The following DNAH7 variants were observed in gnomAD, a reference collection of about 807,000 sequenced individuals.
DNAH7 encodes dynein axonemal heavy chain 7.
In DNAH7, 397 loss-of-function variants were observed where a neutral mutation model predicts 444.6. That is an observed-to-expected ratio of 0.89 (90% CI 0.82 to 0.97). The LOEUF (loss-of-function observed/expected upper bound fraction) is 0.97. Among genes scored for constraint, DNAH7 ranks in the 50% least tolerant of loss-of-function variants. The probability of loss-of-function intolerance (pLI) is 0.00; values close to 1 mark genes in which losing one functional copy is unlikely to be tolerated. For missense variants in DNAH7, 4,902 were observed against 4,800.8 expected, an observed-to-expected ratio of 1.02 and a Z score of -0.62; for synonymous variants, 1,636 against 1,624.4, an observed-to-expected ratio of 1.01 and a Z score of -0.17.
At chr2:195,994,448 G>C (rs1199829665) in intron 12 of DNAH7, 3 of 576,230 alleles carry the variant, frequency 5.2e-6, no homozygotes, top group Middle Eastern at 3.0e-4. Flanking sequence ...GGGAGGCCAA[G>C]GGAGAAAGGT....
intron 58 of DNAH7, among the ~76,000 whole-genome samples, chr2:195,778,347 A>T (rs1275335693): frequency 2.6e-5 from 4 of 151,694 alleles, no homozygotes; most frequent in Non-Finnish European, 5.9e-5. Context: ...GATAGAGTGT[A>T]ATTCAGAGGG....
At chr2:195,837,356 T>C (rs368769933) in intron 47 of DNAH7, among the ~76,000 whole-genome samples, 2 of 152,330 alleles carry the variant, frequency 1.3e-5, no homozygotes, top group South Asian at 4.1e-4. Flanking sequence ...GGCTGGGCTT[T>C]TTACAGCCTA....
intron 61 of DNAH7, among the ~76,000 whole-genome samples, chr2:195,757,148 T>C (rs1041614303): frequency 9.2e-5 from 14 of 152,176 alleles, no homozygotes; most frequent in Admixed American, 8.5e-4. Context: ...CAAGTTTTAA[T>C]AGAAAAATCT....
At chr2:195,993,425 A>T (rs1693480390) in intron 12 of DNAH7, among the ~76,000 whole-genome samples, 1 of 152,072 alleles carries the variant, frequency 6.6e-6, no homozygotes, top group Non-Finnish European at 1.5e-5. Flanking sequence ...CAGCTAAAAA[A>T]AATACAAAAA....
At chr2:195,742,955 G>A (rs920699136) in intron 63 of DNAH7, among the ~76,000 whole-genome samples, 1 of 152,186 alleles carries the variant, frequency 6.6e-6, no homozygotes, top group African/African-American at 2.4e-5. Flanking sequence ...TAACATTTGA[G>A]TCAATTGGAT....
chr2:195,744,079 C>T (rs1010439015), intron 63 of DNAH7, among the ~76,000 whole-genome samples: 24 of 152,226 alleles, frequency 1.6e-4, no homozygotes, highest in African/African-American at 4.6e-4. Flanking sequence ...ACTCGGGAAG[C>T]GCAAGGGGTC....
chr2:195,783,310 C>T (rs1188935052), intron 58 of DNAH7, among the ~76,000 whole-genome samples: 1 of 152,196 alleles, frequency 6.6e-6, no homozygotes, highest in Non-Finnish European at 1.5e-5. Flanking sequence ...TTTTCTATGA[C>T]ACCAATAGGT....
intron 28 of DNAH7, among the ~76,000 whole-genome samples, chr2:195,898,944 C>G (rs948947401): frequency 6.6e-6 from 1 of 152,210 alleles, no homozygotes; most frequent in Non-Finnish European, 1.5e-5. Flanking sequence ...ACATCTCACT[C>G]CAAAGCTTCT....
At chr2:195,921,936 A>T (rs1688053053) in intron 24 of DNAH7, 152 bp downstream of exon 24, 1 of 545,518 alleles carries the variant, frequency 1.8e-6, no homozygotes, top group Non-Finnish European at 3.3e-6. Context: ...AGAGAAAACG[A>T]AGACAAACCT....
In DNAH7 at chr2:195,799,462, A is replaced by G. The variant is rs372382976; in HGVS notation, c.10187T>C (p.Met3396Thr). The G allele has an allele frequency of 8.8e-6, 14 of 1,598,970 alleles. No homozygotes were observed. The African/African-American group carries it at 1.6e-4, about 18-fold the overall frequency. ...TCTGTTGATTATAAATTCCTGCAAC[A>G]TTGGAATAACCTAGAAAGAGACAAG... The part of the protein sequence containing the change: ...RCLRPDKVIP[M>T]LQEFIINRLG... The change falls in exon 55 of 65, where the codon ATG (methionine) becomes ACG (threonine). Residue 3396 changes from methionine to threonine, a missense_variant. By Grantham distance (81) the Met-to-Thr change is moderately conservative (BLOSUM62 -1). Transcript: ENST00000312428.
intron 47 of DNAH7, among the ~76,000 whole-genome samples, chr2:195,842,952 T>C (rs183220706): frequency 2.5e-4 from 38 of 152,286 alleles, no homozygotes; most frequent in African/African-American, 8.9e-4. Context: ...AGACAATGAC[T>C]ACCACTTCAG....
intron 19 of DNAH7, among the ~76,000 whole-genome samples, chr2:195,952,961 G>C (rs886794174): frequency 2.6e-5 from 4 of 152,156 alleles, no homozygotes; most frequent in African/African-American, 9.7e-5. Flanking sequence ...TCTCGGTCCA[G>C]TGTTGTTCCC....
At chr2:195,798,147 AT>A (rs1002216799) in intron 55 of DNAH7, among the ~76,000 whole-genome samples, 34 of 151,734 alleles carry the variant, frequency 2.2e-4, no homozygotes, top group Non-Finnish European at 4.4e-4. Flanking sequence ...CCTTATATCA[AT>A]TTTTTTTGGC....
intron 39 of DNAH7, among the ~76,000 whole-genome samples, 175 bp downstream of exon 39, chr2:195,873,393 T>C (rs1700833715): frequency 6.6e-6 from 1 of 152,208 alleles, no homozygotes; most frequent in Non-Finnish European, 1.5e-5. Context: ...TCAGACCTCT[T>C]TGTGTTATGC....
chr2:195,762,434 G>C (rs1331737596), intron 61 of DNAH7, among the ~76,000 whole-genome samples: 1 of 152,068 alleles, frequency 6.6e-6, no homozygotes, highest in East Asian at 1.9e-4. Context: ...ACATACAGTG[G>C]CTGAATGAAT....
At chr2:195,770,029 T>C (rs1694762197) in intron 61 of DNAH7, among the ~76,000 whole-genome samples, 1 of 152,190 alleles carries the variant, frequency 6.6e-6, no homozygotes, top group East Asian at 1.9e-4. Flanking sequence ...TCCACTTGCT[T>C]AGGCCAAACA....
intron 46 of DNAH7, 145 bp from the exon 47 acceptor site, chr2:195,845,310 T>C: frequency 3.3e-6 from 2 of 614,830 alleles, no homozygotes; most frequent in Non-Finnish European, 5.1e-6. Context: ...GTTTCTCAGA[T>C]TCTTATTTCA....
chr2:195,847,934 G>T (rs945445203), intron 46 of DNAH7, among the ~76,000 whole-genome samples: 1 of 152,132 alleles, frequency 6.6e-6, no homozygotes, highest in African/African-American at 2.4e-5. Flanking sequence ...GAACCCGGGC[G>T]GTACTACAAG....
chr2:195,775,623 T>TC (rs1490588630), intron 60 of DNAH7, among the ~76,000 whole-genome samples: 3 of 147,184 alleles, frequency 2.0e-5, no homozygotes, highest in Non-Finnish European at 4.5e-5. Flanking sequence ...AAAGAATATA[T>TC]CTGGGTTCCC....
Sources: allele counts gnomAD v4.1 joint callset (sites outside exome capture counted in the v4.1 genomes callset), GRCh38; gene constraint gnomAD v4.1.1; transcripts MANE v1.5; gene names NCBI Gene and HGNC (gene_info 2026-07-23, HGNC 2026-07-21).